The following JAKMIP3 variants were observed in gnomAD, a reference collection of about 807,000 sequenced individuals.
JAKMIP3 encodes Janus kinase and microtubule interacting protein 3.
Under a neutral mutation model 118.5 loss-of-function variants are expected in JAKMIP3, and 58 were observed. That is an observed-to-expected ratio of 0.49 (90% confidence interval 0.40 to 0.61). The LOEUF (loss-of-function observed/expected upper bound fraction) is 0.61, where lower values mean the gene tolerates loss of function less well. Ranked by LOEUF, JAKMIP3 falls within the 20% of genes least tolerant of loss-of-function variation. JAKMIP3 has a pLI of 0.00. For missense variants in JAKMIP3, 950 were observed against 1,109.0 expected (o/e 0.86, Z 2.04); for synonymous variants, 486 against 451.2 (o/e 1.08, Z -0.98).
chr10:132,170,633 T>G (rs970736972), intron 23 of JAKMIP3, among the ~76,000 whole-genome samples: 2 of 152,008 alleles, frequency 1.3e-5, no homozygotes, highest in Non-Finnish European at 2.9e-5. Context: ...ACTCGGAGCT[T>G]CTCCTGCTCC....
At chr10:132,051,416 T>A (rs1305257067) in intron 1 of JAKMIP3, among the ~76,000 whole-genome samples, 1 of 150,954 alleles carries the variant, frequency 6.6e-6, no homozygotes, top group Non-Finnish European at 1.5e-5. Flanking sequence ...TTCCAGCCGT[T>A]CTGGTTATGT....
chr10:132,073,493 CTTTT>C (rs59985814), intron 1 of JAKMIP3, among the ~76,000 whole-genome samples: 7 of 134,866 alleles, frequency 5.2e-5, no homozygotes, highest in Non-Finnish European at 6.3e-5. Flanking sequence ...CCTATCTTTA[CTTTT>C]TTTTTTTTTT....
At chr10:132,130,660 T>C (rs2050386782) in intron 3 of JAKMIP3, among the ~76,000 whole-genome samples, 1 of 152,176 alleles carries the variant, frequency 6.6e-6, no homozygotes, top group African/African-American at 2.4e-5. Flanking sequence ...TCTGTGGCAC[T>C]GAGGCGTGGT....
intron 19 of JAKMIP3, among the ~76,000 whole-genome samples, chr10:132,155,773 G>A (rs1281549479): frequency 5.3e-5 from 8 of 152,344 alleles, no homozygotes; most frequent in East Asian, 3.9e-4. Flanking sequence ...ACATGACTGC[G>A]TGGGAGCAGC....
chr10:132,073,333 C>T (rs972446503), intron 1 of JAKMIP3, among the ~76,000 whole-genome samples: 1 of 152,040 alleles, frequency 6.6e-6, no homozygotes, highest in African/African-American at 2.4e-5. Context: ...CTACAGGCGC[C>T]TGCCACCGGG....
At chr10:132,163,108 C>A in intron 19 of JAKMIP3, 101 bp from the exon 20 acceptor site, 2 of 1,162,118 alleles carry the variant, frequency 1.7e-6, no homozygotes, top group South Asian at 3.0e-5. Flanking sequence ...ATCCTCTTGG[C>A]CCTGCTCCCA....
At chr10:132,124,769 G>A (rs1054653044) in intron 3 of JAKMIP3, among the ~76,000 whole-genome samples, 2 of 152,246 alleles carry the variant, frequency 1.3e-5, no homozygotes, top group African/African-American at 4.8e-5. Context: ...GGGCGACGAG[G>A]GGAATCGCAG....
At chr10:132,079,879 G>C (rs1275717299) in intron 1 of JAKMIP3, among the ~76,000 whole-genome samples, 1 of 152,236 alleles carries the variant, frequency 6.6e-6, no homozygotes, top group Non-Finnish European at 1.5e-5. Flanking sequence ...GTTCCATCTT[G>C]TGTGTAGACC....
intron 23 of JAKMIP3, among the ~76,000 whole-genome samples, chr10:132,170,491 G>C (rs552094793): frequency 3.3e-5 from 5 of 152,192 alleles, no homozygotes; most frequent in Non-Finnish European, 7.3e-5. Context: ...TCACAGAGGG[G>C]ACGCCGGGTC....
chr10:132,067,686 C>T (rs2039034734), intron 1 of JAKMIP3, among the ~76,000 whole-genome samples: 1 of 148,694 alleles, frequency 6.7e-6, no homozygotes, highest in Admixed American at 6.7e-5. Flanking sequence ...TCCATGTGGA[C>T]TGTGGGCTTC....
upstream of JAKMIP3, among the ~76,000 whole-genome samples, chr10:132,064,072 G>T (rs544437947): frequency 6.6e-6 from 1 of 152,282 alleles, no homozygotes; most frequent in East Asian, 1.9e-4. The surrounding 1 kb of genome is among the most constrained non-coding windows in gnomAD (Gnocchi z 4.4). Flanking sequence ...TTGGACTGGG[G>T]ACATTTTTAA....
intron 21 of JAKMIP3, among the ~76,000 whole-genome samples, chr10:132,165,444 T>G (rs1396268233): frequency 3.3e-5 from 5 of 152,144 alleles, no homozygotes; most frequent in Admixed American, 2.6e-4. Context: ...GGGGCCCGGC[T>G]CCCGACCCCC....
intron 1 of JAKMIP3, among the ~76,000 whole-genome samples, chr10:132,074,794 A>G (rs182703123): frequency 2.3e-4 from 35 of 152,200 alleles, no homozygotes; most frequent in African/African-American, 8.2e-4. Flanking sequence ...TTCTTCTAGG[A>G]TTTTTATAGT....
intron 19 of JAKMIP3, among the ~76,000 whole-genome samples, chr10:132,161,028 G>C (rs1047916655): frequency 6.3e-4 from 12 of 19,070 alleles, no homozygotes; most frequent in Admixed American, 1.2e-3. Context: ...ATGCTGGGGG[G>C]GCCTCTTCCT....
intron 23 of JAKMIP3, among the ~76,000 whole-genome samples, chr10:132,174,425 A>AGTGGGCTCC (rs137990475): frequency 0.025 from 3,760 of 151,380 alleles, 58 homozygotes; most frequent in Non-Finnish European, 0.033. Context: ...CCGTGGGCTC[A>AGTGGGCTCC]GTGGGCTCCG....
chr10:132,103,213 T>G (rs2045284233), intron 1 of JAKMIP3, among the ~76,000 whole-genome samples: 1 of 151,034 alleles, frequency 6.6e-6, no homozygotes. Flanking sequence ...CTGGTCATGG[T>G]GGGGATGGAA....
intron 1 of JAKMIP3, among the ~76,000 whole-genome samples, chr10:132,076,112 AT>A (rs2134087314): frequency 6.6e-6 from 1 of 152,276 alleles, no homozygotes; most frequent in South Asian, 2.1e-4. Flanking sequence ...AATTCAGAAC[AT>A]TTCCATCGCC....
intron 1 of JAKMIP3, among the ~76,000 whole-genome samples, chr10:132,074,257 G>C (rs573024676): frequency 6.6e-6 from 1 of 152,192 alleles, no homozygotes; most frequent in Admixed American, 6.5e-5. Context: ...TTACTATGTT[G>C]GTCAGGCTGG....
At chr10:132,149,379 G>A in intron 14 of JAKMIP3, 33 bp from the exon 15 acceptor site, 1 of 1,409,016 alleles carries the variant, frequency 7.1e-7, no homozygotes, top group Non-Finnish European at 9.9e-7. Context: ...GGATGGGAGG[G>A]GAGCGGCTCA....
Sources: gnomAD v4.1 joint callset for allele counts (sites outside exome capture counted in the v4.1 genomes callset) on GRCh38, gnomAD v4.1.1 for gene constraint, Gnocchi (gnomAD v3.1) non-coding constraint, MANE v1.5 for transcripts, NCBI Gene and HGNC (gene_info 2026-07-23, HGNC 2026-07-21) for gene names.